Variants in FARS2 observed in about 807,000 individuals in gnomAD.
The protein encoded by FARS2 is phenylalanine--tRNA ligase, mitochondrial.
Under a neutral mutation model 46.4 loss-of-function variants are expected in FARS2, and 40 were observed. The ratio of observed to expected loss-of-function variants is 0.86; its 90% CI spans 0.67 to 1.12. The LOEUF (loss-of-function observed/expected upper bound fraction) is 1.12. FARS2 is among the 50% of genes most tolerant of loss of function. The probability of loss-of-function intolerance (pLI) is 0.00; values close to 1 mark genes in which losing one functional copy is unlikely to be tolerated. For synonymous variants in FARS2, 234 were observed against 214.9 expected, an observed-to-expected ratio of 1.09 and a Z score of -0.78; for missense variants, 513 against 567.9, an observed-to-expected ratio of 0.90 and a Z score of 0.98.
chr6:5,592,057 C>A (rs560383204), intron 5 of FARS2, among the ~76,000 whole-genome samples: 1 of 152,184 alleles, frequency 6.6e-6, no homozygotes, highest in Non-Finnish European at 1.5e-5. Flanking sequence ...TGTAGATGCT[C>A]ATATTTTTAT....
chr6:5,294,177 T>C (rs973942032), intron 1 of FARS2, among the ~76,000 whole-genome samples: 2 of 152,170 alleles, frequency 1.3e-5, no homozygotes, highest in African/African-American at 4.8e-5. Context: ...TAGCCACTTA[T>C]TGTATTTGGG....
chr6:5,506,695 G>A (rs1768120236), intron 4 of FARS2, among the ~76,000 whole-genome samples: 1 of 152,184 alleles, frequency 6.6e-6, no homozygotes, highest in Non-Finnish European at 1.5e-5. Flanking sequence ...CTGCTTTGAG[G>A]GGAAAGAGCA....
intron 4 of FARS2, among the ~76,000 whole-genome samples, chr6:5,449,680 G>T (rs1257685005): frequency 6.6e-6 from 1 of 152,106 alleles, no homozygotes; most frequent in Non-Finnish European, 1.5e-5. Flanking sequence ...AAATGTTTTA[G>T]GTTTTGGATT....
chr6:5,404,774 T>TG, intron 3 of FARS2, 73 bp downstream of exon 3: 1 of 955,458 alleles, frequency 1.0e-6, no homozygotes, highest in Non-Finnish European at 1.4e-6. Flanking sequence ...GATTTGGGTT[T>TG]TTTTTTTTTT....
upstream of FARS2, among the ~76,000 whole-genome samples, chr6:5,259,569 C>T (rs1037000943): frequency 6.6e-6 from 1 of 151,416 alleles, no homozygotes; most frequent in Non-Finnish European, 1.5e-5. Flanking sequence ...TGTCCTCTGA[C>T]AGAGGTTGTA....
chr6:5,667,316 G>A (rs530627477), intron 6 of FARS2, among the ~76,000 whole-genome samples: 3 of 152,176 alleles, frequency 2.0e-5, no homozygotes, highest in Non-Finnish European at 2.9e-5. Flanking sequence ...TCAGGAGTTC[G>A]AGACCAGCCT....
At chr6:5,660,080 G>C (rs1322631598) in intron 6 of FARS2, among the ~76,000 whole-genome samples, 5 of 152,296 alleles carry the variant, frequency 3.3e-5, no homozygotes, top group Non-Finnish European at 7.4e-5. Flanking sequence ...AGTTCAAAGA[G>C]AATGCCATCC....
At chr6:5,703,593 C>T (rs1278350125) in intron 6 of FARS2, among the ~76,000 whole-genome samples, 1 of 152,208 alleles carries the variant, frequency 6.6e-6, no homozygotes, top group Non-Finnish European at 1.5e-5. Context: ...ATCTACTTCA[C>T]ACTACCTCTT....
intron 1 of FARS2, among the ~76,000 whole-genome samples, chr6:5,316,984 G>A (rs1224603886): frequency 1.3e-5 from 2 of 152,068 alleles, no homozygotes; most frequent in East Asian, 1.9e-4. Flanking sequence ...GGGCACAGCC[G>A]GTACAGCCCA....
At chr6:5,469,378 C>G (rs898490253) in intron 4 of FARS2, among the ~76,000 whole-genome samples, 1 of 152,262 alleles carries the variant, frequency 6.6e-6, no homozygotes, top group Non-Finnish European at 1.5e-5. Flanking sequence ...CATATCCCTG[C>G]TGTGTGTCCT....
chr6:5,748,323 C>T (rs1444642967), intron 6 of FARS2, among the ~76,000 whole-genome samples: 2 of 152,172 alleles, frequency 1.3e-5, no homozygotes, highest in African/African-American at 2.4e-5. Context: ...GGACTCATCT[C>T]GAGTGGAAAA....
At chr6:5,488,605 C>A (rs1766915261) in intron 4 of FARS2, among the ~76,000 whole-genome samples, 1 of 139,218 alleles carries the variant, frequency 7.2e-6, no homozygotes, top group African/African-American at 2.7e-5. Flanking sequence ...TGCTGTAGAT[C>A]TCTTTTGTGA....
chr6:5,254,511 C>T, the FARS2 span, among the ~76,000 whole-genome samples: 9 of 152,094 alleles, frequency 5.9e-5, no homozygotes, highest in Non-Finnish European at 1.0e-4. Flanking sequence ...GGCCCAAAAC[C>T]GCAATTACTT....
At chr6:5,747,997 T>A (rs545365640) in intron 6 of FARS2, among the ~76,000 whole-genome samples, 1 of 152,340 alleles carries the variant, frequency 6.6e-6, no homozygotes, top group South Asian at 2.1e-4. Flanking sequence ...TTTCTTGAGA[T>A]CAAGAGTTCA....
intron 6 of FARS2, 35 bp downstream of exon 6, chr6:5,613,355 A>C (rs908084919): frequency 6.3e-7 from 1 of 1,586,808 alleles, no homozygotes; most frequent in Non-Finnish European, 8.6e-7. Flanking sequence ...ACCCTTGACT[A>C]TCTCTGTGTG....
chr6:5,597,488 C>T (rs762948578), intron 5 of FARS2, among the ~76,000 whole-genome samples: 13 of 152,168 alleles, frequency 8.5e-5, no homozygotes, highest in Non-Finnish European at 1.3e-4. Flanking sequence ...CACAGAGCGG[C>T]GCCTGATGTT....
chr6:5,398,840 A>G (rs148660773), intron 2 of FARS2, among the ~76,000 whole-genome samples: 2 of 152,086 alleles, frequency 1.3e-5, no homozygotes, highest in Admixed American at 6.5e-5. Flanking sequence ...TACTCATGAC[A>G]TATTTATTTT....
intron 4 of FARS2, among the ~76,000 whole-genome samples, chr6:5,475,377 C>CT (rs1356984638): frequency 6.6e-6 from 1 of 152,152 alleles, no homozygotes; most frequent in Non-Finnish European, 1.5e-5. Flanking sequence ...TAGAAAGAGC[C>CT]TTTTGGAGCC....
At chr6:5,680,290 C>T (rs143353784) in intron 6 of FARS2, among the ~76,000 whole-genome samples, 141 of 152,226 alleles carry the variant, frequency 9.3e-4, no homozygotes, top group African/African-American at 3.3e-3. Flanking sequence ...AAGGCTGCAG[C>T]TGATGGTCAG....
Sources: gnomAD v4.1 joint callset for allele counts (sites outside exome capture counted in the v4.1 genomes callset) on GRCh38, gnomAD v4.1.1 for gene constraint, MANE v1.5 for transcripts, NCBI Gene and HGNC (gene_info 2026-07-23, HGNC 2026-07-21) for gene names.